Variants in PTPRD observed in about 807,000 individuals in gnomAD.
The protein encoded by PTPRD is protein tyrosine phosphatase receptor type D.
A neutral mutation model predicts 214.5 loss-of-function variants in PTPRD; 34 were observed. The observed-to-expected ratio is 0.16, with a 90% CI of 0.12 to 0.21. The LOEUF (loss-of-function observed/expected upper bound fraction) is 0.21, where lower values mean the gene tolerates loss of function less well. Ranked by LOEUF, PTPRD falls within the 10% of genes least tolerant of loss-of-function variation. The pLI is 1.00. For missense variants in PTPRD, 2,545 were observed against 2,398.7 expected, an observed-to-expected ratio of 1.06 and a Z score of -1.27; for synonymous variants, 1,128 against 845.7, an observed-to-expected ratio of 1.33 and a Z score of -5.79.
chr9:9,103,926 C>T lies in PTPRD; in HGVS notation c.-143+79378G>A, dbSNP rs370128321. Among the ~76,000 whole-genome samples, 27 of 152,050 alleles carry T rather than the reference C, an allele frequency of 1.8e-4. 1 individual carries two copies. Among genetic ancestry groups the T allele is most frequent in the East Asian group, 5.8e-4 (3 of 5,172 alleles). On this transcript the variant is annotated intron_variant, in intron 10 of 45. Transcript: ENST00000381196. ...GAGCCTTGGGAGGCAGAGGTTGCAGCGAGCCAAGATGTTGCCACTGCACCC... is the reference window on the plus strand; with the variant it reads ...GAGCCTTGGGAGGCAGAGGTTGCAGTGAGCCAAGATGTTGCCACTGCACCC...
At chr9:10,530,116 A>ATATTCTT (rs2134624727) in intron 2 of PTPRD, among the ~76,000 whole-genome samples, 1 of 152,334 alleles carries the variant, frequency 6.6e-6, no homozygotes, top group East Asian at 1.9e-4. Flanking sequence ...ACCCGTACTT[A>ATATTCTT]AGAATATTTA....
intron 10 of PTPRD, among the ~76,000 whole-genome samples, chr9:9,070,167 G>C (rs2099741688): frequency 6.6e-6 from 1 of 152,174 alleles, no homozygotes; most frequent in Non-Finnish European, 1.5e-5. Flanking sequence ...AAATTAGCTA[G>C]ATTCTGTCTT....
At chr9:10,097,417 G>A (rs922868709) in intron 3 of PTPRD, among the ~76,000 whole-genome samples, 4 of 149,646 alleles carry the variant, frequency 2.7e-5, no homozygotes, top group South Asian at 2.1e-4. Flanking sequence ...ATTTCCTTGA[G>A]CAGTGTTTTG....
At chr9:8,892,843 A>G (rs1002815282) in intron 11 of PTPRD, among the ~76,000 whole-genome samples, 3 of 151,976 alleles carry the variant, frequency 2.0e-5, no homozygotes, top group African/African-American at 7.2e-5. Context: ...AAAGGCCCAG[A>G]GAAATAAAAG....
intron 11 of PTPRD, among the ~76,000 whole-genome samples, chr9:8,964,192 G>GTTTTTTTTTTTTTT (rs71317391): frequency 1.4e-4 from 5 of 35,642 alleles, no homozygotes; most frequent in Non-Finnish European, 1.9e-4. Context: ...TCAGGGCTGT[G>GTTTTTTTTTTTTTT]TTTTTTTTTT....
chr9:10,302,342 GA>G (rs1476038953), intron 3 of PTPRD, among the ~76,000 whole-genome samples: 1 of 152,180 alleles, frequency 6.6e-6, no homozygotes, highest in African/African-American at 2.4e-5. Flanking sequence ...TCGACACTAT[GA>G]AGAAACTACA....
chr9:9,996,845 A>G (rs1400914446), intron 4 of PTPRD, among the ~76,000 whole-genome samples: 1 of 152,216 alleles, frequency 6.6e-6, no homozygotes, highest in Admixed American at 6.5e-5. Flanking sequence ...ACAACCTTCA[A>G]CAACAAACCC....
At chr9:8,984,836 T>A (rs1240338624) in intron 11 of PTPRD, among the ~76,000 whole-genome samples, 1 of 152,268 alleles carries the variant, frequency 6.6e-6, no homozygotes, top group Non-Finnish European at 1.5e-5. Flanking sequence ...GTGGGAATCA[T>A]ATATTACATA....
intron 10 of PTPRD, among the ~76,000 whole-genome samples, chr9:9,067,783 A>G (rs2099737218): frequency 6.6e-6 from 1 of 152,184 alleles, no homozygotes; most frequent in South Asian, 2.1e-4. Context: ...ATTGACATCA[A>G]TACAATCTAT....
chr9:10,151,914 G>A (rs1592519459), intron 3 of PTPRD, among the ~76,000 whole-genome samples: 1 of 152,186 alleles, frequency 6.6e-6, no homozygotes. Flanking sequence ...CCTATGCTAT[G>A]GATATACCAC....
At chr9:8,398,587 G>A (rs1389006067) in intron 36 of PTPRD, among the ~76,000 whole-genome samples, 5 of 152,148 alleles carry the variant, frequency 3.3e-5, no homozygotes, top group Admixed American at 3.3e-4. Flanking sequence ...TGAGAGGTGA[G>A]GTCTTAGGAA....
At position 8,922,969 on chromosome 9, in the gene PTPRD, T is replaced by C. The variant is rs142466123; in HGVS notation, c.-104+95728A>G. Among the ~76,000 whole-genome samples the C allele has an allele frequency of 7.9e-3, 1,197 of 151,672 alleles. 8 individuals carry two copies. Among genetic ancestry groups the C allele is most frequent in the Middle Eastern group, 0.042 (12 of 288 alleles). On this transcript the variant is annotated intron_variant, in intron 11 of 45. Transcript: ENST00000381196. ...TGAGCCACTGCACCTGGCCCAAAGA[T>C]TTTTCCTTTCTTTTCTTCTCTCGTT...
intron 35 of PTPRD, among the ~76,000 whole-genome samples, chr9:8,422,315 G>C (rs1028295675): frequency 9.9e-5 from 15 of 152,014 alleles, no homozygotes; most frequent in African/African-American, 2.9e-4. Context: ...CACAATCCTT[G>C]TAATGTTTAT....
intron 39 of PTPRD, among the ~76,000 whole-genome samples, chr9:8,371,261 CA>C (rs1196484574): frequency 2.6e-5 from 4 of 151,734 alleles, no homozygotes; most frequent in Non-Finnish European, 2.9e-5. Flanking sequence ...AAACACAAAC[CA>C]AAAAAATCAG....
chr9:9,505,597 C>A (rs2096552427), intron 8 of PTPRD, among the ~76,000 whole-genome samples: 1 of 151,360 alleles, frequency 6.6e-6, no homozygotes, highest in Non-Finnish European at 1.5e-5. Flanking sequence ...AGGATATATT[C>A]CTTGTCAAGT....
intron 3 of PTPRD, among the ~76,000 whole-genome samples, chr9:10,092,054 G>C (rs943339352): frequency 1.3e-5 from 2 of 151,218 alleles, no homozygotes; most frequent in Non-Finnish European, 3.0e-5. Context: ...AATGAAGGAA[G>C]TAATGATTAA....
At chr9:10,318,789 A>G (rs1000633195) in intron 3 of PTPRD, among the ~76,000 whole-genome samples, 1 of 151,934 alleles carries the variant, frequency 6.6e-6, no homozygotes, top group South Asian at 2.1e-4. Flanking sequence ...ATTTGTCTTT[A>G]ATGGGAACAC....
At chr9:8,790,819 A>T (rs2096201256) in intron 11 of PTPRD, among the ~76,000 whole-genome samples, 1 of 151,892 alleles carries the variant, frequency 6.6e-6, no homozygotes, top group African/African-American at 2.4e-5. Flanking sequence ...TTTATTCTAT[A>T]GACCTATGCT....
intron 5 of PTPRD, among the ~76,000 whole-genome samples, chr9:9,913,825 C>A (rs1042504442): frequency 6.6e-6 from 1 of 152,136 alleles, no homozygotes; most frequent in African/African-American, 2.4e-5. Context: ...TCTCTCCCTC[C>A]ACCTCCCACC....
Sources: gnomAD v4.1 joint callset for allele counts (sites outside exome capture counted in the v4.1 genomes callset) on GRCh38, gnomAD v4.1.1 for gene constraint, MANE v1.5 for transcripts, NCBI Gene and HGNC (gene_info 2026-07-23, HGNC 2026-07-21) for gene names.